ATM: variants seen among roughly 807,000 people sequenced by gnomAD.
ATM encodes the protein serine-protein kinase ATM.
Under a neutral mutation model 387.0 loss-of-function variants are expected in ATM, and 308 were observed. The observed-to-expected ratio is 0.80, with a 90% CI of 0.73 to 0.87. The LOEUF is 0.87. ATM is among the 40% of genes least tolerant of loss of function. ATM has a pLI of 0.00. For synonymous variants in ATM, 1,156 were observed against 1,187.3 expected (o/e 0.97, Z 0.54); for missense variants, 3,312 against 3,560.9 (o/e 0.93, Z 1.78).
At chr11:108,313,249 A>G (rs2084327070) in intron 40 of ATM, among the ~76,000 whole-genome samples, 1 of 152,138 alleles carries the variant, frequency 6.6e-6, no homozygotes, top group Non-Finnish European at 1.5e-5. Context: ...CCTCTGAACT[A>G]TGTTCTGAAC....
chr11:108,257,173 G>A (rs576119297), intron 14 of ATM, among the ~76,000 whole-genome samples: 1 of 152,240 alleles, frequency 6.6e-6, no homozygotes, highest in East Asian at 1.9e-4. Flanking sequence ...ATCCTGTCCA[G>A]CATCTGTTGT....
At chr11:108,362,878 AG>A in intron 61 of ATM, among the ~76,000 whole-genome samples, 1 of 151,906 alleles carries the variant, frequency 6.6e-6, no homozygotes, top group Admixed American at 6.6e-5. Context: ...GCAGCGCACC[AG>A]CATGGCATAT....
rs2091259011 is a variant in ATM, at chr11:108,365,491, T to C, written c.9154T>C (p.Trp3052Arg). The C allele has an allele frequency of 6.2e-7, 1 of 1,614,166 alleles. No individual in the cohort carries two copies. Among genetic ancestry groups the C allele is most frequent in the Non-Finnish European group, 8.5e-7 (1 of 1,180,010 alleles). ...PKNLSRLFPGWKAWV is the reference protein window; with the variant it reads ...PKNLSRLFPGRKAWV ...AAATCTCAGCCGACTTTTCCCAGGA[T>C]GGAAAGCTTGGGTGTGATCTTCAGT... Residue 3052 changes from tryptophan (W) to arginine (R), a missense_variant, in exon 63 of 63, where the codon TGG (tryptophan) becomes CGG (arginine). Physicochemically the swap from Trp to Arg is moderately radical, Grantham distance 101. Coordinates refer to ENST00000675843, the MANE Select transcript of ATM (RefSeq NM_000051.4).
At chr11:108,334,071 T>C (rs2086574862) in intron 54 of ATM, 103 bp downstream of exon 54, 2 of 892,180 alleles carry the variant, frequency 2.2e-6, no homozygotes, top group Non-Finnish European at 3.6e-6. Flanking sequence ...GGTTAAATAT[T>C]GGCAAATTTC....
At chr11:108,337,551 G>A (rs1182829934) in intron 56 of ATM, among the ~76,000 whole-genome samples, 1 of 152,174 alleles carries the variant, frequency 6.6e-6, no homozygotes, top group Non-Finnish European at 1.5e-5. Flanking sequence ...ACCTGTGAAT[G>A]TGCGTTTCTA....
In ATM at chr11:108,235,838, T is replaced by G. The variant is rs587781375; in HGVS notation, c.496+4T>G. The G allele has an allele frequency of 1.2e-6, 2 of 1,613,784 alleles. No individual in the cohort carries two copies. Among genetic ancestry groups the G allele is most frequent in the Non-Finnish European group, 1.7e-6 (2 of 1,179,826 alleles). ...ATATCTCAGCAACAGTGGTTAGGTA[T>G]GTTTTGAAGGTTGTTGTTTGTGAAT... On this transcript the variant is annotated splice_donor_region_variant and intron_variant, in intron 5 of 62. Coordinates refer to ENST00000675843, the MANE Select transcript of ATM (RefSeq NM_000051.4).
At chr11:108,225,472 T>C (rs957513431) in intron 1 of ATM, 3 of 152,096 alleles carry the variant, frequency 2.0e-5, no homozygotes, top group Non-Finnish European at 4.4e-5. Context: ...CTCTTTTTGT[T>C]TTTTTTGTCT....
In ATM at chr11:108,332,023, T is replaced by G; in HGVS notation, c.7774T>G (p.Ser2592Ala). The change falls in exon 52 of 63, where the codon TCT (serine) becomes GCT (alanine). Residue 2592 changes from serine to alanine, a missense_variant. Physicochemically the swap from Ser to Ala is moderately conservative, Grantham distance 99. This residue lies in a region of ATM where 1,405 missense variants were observed against 1,604.4 expected (regional missense o/e 0.88). Transcript: ENST00000675843. ...RITKNVPKQS[S>A]QLDEDRTEAA... Reference sequence around the variant, plus strand: ...AACTAAAAATGTGCCTAAACAAAGCTCTCAGCTTGATGAGGTATTTGGATT... The same window carrying G: ...AACTAAAAATGTGCCTAAACAAAGCGCTCAGCTTGATGAGGTATTTGGATT... 1 of 1,613,804 alleles carries G rather than the reference T, an allele frequency of 6.2e-7. No individual in the cohort carries two copies. Among genetic ancestry groups the G allele is most frequent in the South Asian group, 1.1e-5 (1 of 91,068 alleles).
intron 5 of ATM, among the ~76,000 whole-genome samples, chr11:108,240,550 A>G (rs2079504103): frequency 6.6e-6 from 1 of 152,238 alleles, no homozygotes; most frequent in South Asian, 2.1e-4. Flanking sequence ...CTCCTGCACT[A>G]CAAACCTGTG....
At chr11:108,313,681 C>T (rs2084365252) in intron 40 of ATM, among the ~76,000 whole-genome samples, 1 of 152,122 alleles carries the variant, frequency 6.6e-6, no homozygotes, top group African/African-American at 2.4e-5. Context: ...AAGCACTGTG[C>T]TAAGCATGGG....
intron 61 of ATM, among the ~76,000 whole-genome samples, chr11:108,361,800 A>G (rs908451223): frequency 2.0e-5 from 3 of 152,190 alleles, no homozygotes; most frequent in South Asian, 2.1e-4. Context: ...AATTAACTCA[A>G]GATGGATTAA....
chr11:108,361,523 C>T (rs2090754030), intron 61 of ATM, among the ~76,000 whole-genome samples: 1 of 152,022 alleles, frequency 6.6e-6, no homozygotes, highest in South Asian at 2.1e-4. Flanking sequence ...AAGCTGGAGG[C>T]ATCACACTAC....
At position 108,332,824 on chromosome 11, in the gene ATM, C is replaced by G. The variant is rs2136566305; in HGVS notation, c.7851C>G (p.Val2617=). ...TCAGAAGTAGGAGACCTCAGATGGT[C>G]AGAAGTGTTGAGGCACTTTGTGATG... ...CTIRSRRPQM[V]RSVEALCDAY... Residue 2617 remains valine, a synonymous_variant, in exon 53 of 63, where the codon GTC becomes GTG. Transcript: ENST00000675843. The G allele has an allele frequency of 6.2e-7, 1 of 1,613,244 alleles. No homozygotes were observed. Among genetic ancestry groups the G allele is most frequent in the East Asian group, 2.2e-5 (1 of 44,786 alleles).
At chr11:108,307,297 G>A (rs2083768052) in intron 37 of ATM, among the ~76,000 whole-genome samples, 1 of 151,940 alleles carries the variant, frequency 6.6e-6, no homozygotes, top group South Asian at 2.1e-4. Flanking sequence ...TTACAGATGT[G>A]TGCCAGCATG....
At chr11:108,303,898 GT>G (rs1462420882) in intron 36 of ATM, among the ~76,000 whole-genome samples, 1 of 152,134 alleles carries the variant, frequency 6.6e-6, no homozygotes, top group Non-Finnish European at 1.5e-5. Context: ...CACCCCATTT[GT>G]GGTACTTTAA....
At chr11:108,292,170 A>G (rs911640760) in intron 29 of ATM, among the ~76,000 whole-genome samples, 2 of 152,214 alleles carry the variant, frequency 1.3e-5, no homozygotes, top group Non-Finnish European at 2.9e-5. Context: ...CAACTAATCT[A>G]CTTAGCTCCA....
At chr11:108,244,197 A>G (rs1175392377) in intron 6 of ATM, 79 bp downstream of exon 6, 24 of 1,512,222 alleles carry the variant, frequency 1.6e-5, no homozygotes, top group Non-Finnish European at 2.1e-5. Context: ...CTCAGTAACT[A>G]AAAATTCTAC....
chr11:108,336,454 T>G (rs964613813), intron 56 of ATM: 9 of 154,938 alleles, frequency 5.8e-5, no homozygotes, highest in African/African-American at 2.2e-4. Flanking sequence ...TATAGTCAAC[T>G]GAAGTATTTT....
At chr11:108,263,632 G>C (rs964018404) in intron 16 of ATM, among the ~76,000 whole-genome samples, 1 of 150,460 alleles carries the variant, frequency 6.6e-6, no homozygotes, top group Admixed American at 6.6e-5. Flanking sequence ...AAATAACTAA[G>C]AGCAGAACTG....
Sources: gnomAD v4.1 joint callset for allele counts (sites outside exome capture counted in the v4.1 genomes callset) on GRCh38, gnomAD v4.1.1 for gene constraint, gnomAD v4.1.1 regional missense constraint, MANE v1.5 for transcripts, NCBI Gene and HGNC (gene_info 2026-07-23, HGNC 2026-07-21) for gene names.